CAMK4: variants seen among roughly 807,000 people sequenced by gnomAD.
CAMK4 encodes the protein calcium/calmodulin dependent protein kinase IV, also known as calcium/calmodulin-dependent protein kinase type IV.
CAMK4 carries 22 observed loss-of-function variants against 44.9 expected under a neutral mutation model. The observed-to-expected ratio is 0.49, with a 90% CI of 0.35 to 0.70. The LOEUF is 0.70. Among genes scored for constraint, CAMK4 ranks in the 30% least tolerant of loss-of-function variants. The probability of loss-of-function intolerance (pLI) is 0.01; values close to 1 mark genes in which losing one functional copy is unlikely to be tolerated. For missense variants in CAMK4, 498 were observed against 586.8 expected (o/e 0.85, Z 1.56); for synonymous variants, 218 against 215.4 (o/e 1.01, Z -0.11).
Position 111,449,206 on chromosome 5 carries a change from A to T in CAMK4, c.625+3A>T. On this transcript the variant is annotated splice_donor_region_variant and intron_variant, in intron 7 of 10. Coordinates refer to ENST00000282356, the MANE Select transcript of CAMK4 (RefSeq NM_001744.6). ...ATGTGGAACCCCAGGGTACTGCGGTATGCTCTTTAATAATTATATTTTACT... is the reference window on the plus strand; with the variant it reads ...ATGTGGAACCCCAGGGTACTGCGGTTTGCTCTTTAATAATTATATTTTACT... The T allele has an allele frequency of 7.5e-7, 1 of 1,332,490 alleles. No individual in the cohort carries two copies. Among genetic ancestry groups the T allele is most frequent in the Non-Finnish European group, 1.0e-6 (1 of 953,188 alleles). The allele number at this position is 1,332,490 out of a possible 1,614,324, so 82.5% of individuals were successfully genotyped here. A position where few individuals can be genotyped will look rare whatever the true frequency, so the allele number is the denominator to read the frequency against.
At chr5:111,255,602 T>C (rs1326738560) in intron 1 of CAMK4, among the ~76,000 whole-genome samples, 1 of 152,204 alleles carries the variant, frequency 6.6e-6, no homozygotes, top group Non-Finnish European at 1.5e-5. Context: ...TTTAGAGTCA[T>C]GATTTTGTCA....
intron 2 of CAMK4, among the ~76,000 whole-genome samples, chr5:111,362,861 C>G (rs947318912): frequency 2.0e-5 from 3 of 152,008 alleles, no homozygotes; most frequent in African/African-American, 7.2e-5. Flanking sequence ...TTCTGCTTAC[C>G]AAGGATATCA....
At chr5:111,332,048 T>G (rs532477373) in intron 1 of CAMK4, among the ~76,000 whole-genome samples, 2 of 151,786 alleles carry the variant, frequency 1.3e-5, no homozygotes, top group East Asian at 3.9e-4. Flanking sequence ...GACTAAATAT[T>G]GCTCACACCC....
At chr5:111,399,776 C>G (rs1347214710) in intron 5 of CAMK4, among the ~76,000 whole-genome samples, 5 of 152,166 alleles carry the variant, frequency 3.3e-5, no homozygotes, top group African/African-American at 1.2e-4. Flanking sequence ...TCCTGTCATT[C>G]AAAACTCACC....
chr5:111,267,462 A>T (rs1750299879), intron 1 of CAMK4, among the ~76,000 whole-genome samples: 1 of 152,128 alleles, frequency 6.6e-6, no homozygotes, highest in South Asian at 2.1e-4. Context: ...CACGCCTGTA[A>T]TCCCAGCACT....
Position 111,327,006 on chromosome 5 carries a change from T to A in CAMK4, c.162-17018T>A, listed in dbSNP as rs536336054. On this transcript the variant is annotated intron_variant, in intron 1 of 10. Transcript: ENST00000282356. Reference sequence around the variant, plus strand: ...TGCTTTCTAAGAAACTGTTTTTTTTTTAAATTTTATTATTATTATACTTTA... The same window carrying A: ...TGCTTTCTAAGAAACTGTTTTTTTTATAAATTTTATTATTATTATACTTTA... Among the ~76,000 whole-genome samples the A allele has an allele frequency of 2.9e-3, 442 of 152,056 alleles. 2 individuals carry two copies. In the South Asian group the frequency reaches 0.03, roughly 10 times the overall value.
At chr5:111,461,321 C>T (rs746200530) in intron 7 of CAMK4, among the ~76,000 whole-genome samples, 13 of 152,196 alleles carry the variant, frequency 8.5e-5, no homozygotes, top group Non-Finnish European at 1.9e-4. Flanking sequence ...TAGCCAGAGG[C>T]AACCCCCTCT....
chr5:111,283,143 A>G (rs1751091128), intron 1 of CAMK4: 1 of 152,256 alleles, frequency 6.6e-6, no homozygotes, highest in African/African-American at 2.4e-5. Context: ...AACGATTGTA[A>G]ACCAGGGACT....
At position 111,367,021 on chromosome 5, in the gene CAMK4, A is replaced by T. The variant is rs181556500; in HGVS notation, c.241-7829A>T. 2.3e-3 allele frequency among the ~76,000 whole-genome samples: 349 copies of T among 151,896 alleles called. 3 individuals are homozygous for T. Among genetic ancestry groups the T allele is most frequent in the African/African-American group, 7.7e-3 (317 of 41,422 alleles). On this transcript the variant is annotated intron_variant, in intron 2 of 10. Coordinates refer to ENST00000282356, the MANE Select transcript of CAMK4 (RefSeq NM_001744.6). ...GTTAGTAACAAGAGCAATGACAAAT[A>T]AATGGAGACAAGGTTCTTTCTGATG...
At chr5:111,416,367 C>T (rs1409642237) in intron 5 of CAMK4, 1 of 152,054 alleles carries the variant, frequency 6.6e-6, no homozygotes, top group African/African-American at 2.4e-5. Flanking sequence ...TTAGAATCTT[C>T]CACATCTCTA....
At chr5:111,268,100 T>C (rs757801766) in intron 1 of CAMK4, among the ~76,000 whole-genome samples, 200 of 152,326 alleles carry the variant, frequency 1.3e-3, no homozygotes, top group Middle Eastern at 3.4e-3. Context: ...TGGTGGAAGC[T>C]TGAGGTAGGC....
chr5:111,234,478 G>T (rs17461314), intron 1 of CAMK4, among the ~76,000 whole-genome samples: 32,924 of 152,108 alleles, frequency 0.22, 3,957 homozygotes, highest in Non-Finnish European at 0.28. Flanking sequence ...ATGGAGTTGA[G>T]AGGGAAAAAG....
At chr5:111,345,514 C>A (rs1161539569) in intron 2 of CAMK4, among the ~76,000 whole-genome samples, 1 of 151,868 alleles carries the variant, frequency 6.6e-6, no homozygotes, top group Non-Finnish European at 1.5e-5. Context: ...TAGCAGTAGT[C>A]ACACACAAGA....
At chr5:111,387,473 T>C (rs1337187049) in intron 4 of CAMK4, among the ~76,000 whole-genome samples, 4 of 152,254 alleles carry the variant, frequency 2.6e-5, no homozygotes, top group African/African-American at 4.8e-5. Context: ...TAAAACTATG[T>C]AACTCTGAGT....
chr5:111,463,619 G>A (rs945139182), intron 7 of CAMK4, among the ~76,000 whole-genome samples: 12 of 152,190 alleles, frequency 7.9e-5, no homozygotes, highest in African/African-American at 2.9e-4. Flanking sequence ...ACTGGAGCAG[G>A]TGCTGCTATA....
intron 8 of CAMK4, among the ~76,000 whole-genome samples, chr5:111,474,935 G>T (rs1755184991): frequency 6.6e-6 from 1 of 152,192 alleles, no homozygotes; most frequent in Non-Finnish European, 1.5e-5. Context: ...GGCCGAGACG[G>T]GTGGATCCAT....
intron 1 of CAMK4, among the ~76,000 whole-genome samples, chr5:111,343,406 C>T (rs1749725371): frequency 6.6e-6 from 1 of 151,746 alleles, no homozygotes; most frequent in Non-Finnish European, 1.5e-5. Flanking sequence ...TCTTTTGCTT[C>T]TCATGTGGTG....
intron 1 of CAMK4, among the ~76,000 whole-genome samples, chr5:111,255,666 T>C (rs1749708019): frequency 6.6e-6 from 1 of 152,196 alleles, no homozygotes; most frequent in Non-Finnish European, 1.5e-5. Context: ...ATTGTGTGTT[T>C]GCATACCCGA....
At chr5:111,321,107 C>T (rs1748644837) in intron 1 of CAMK4, among the ~76,000 whole-genome samples, 1 of 152,118 alleles carries the variant, frequency 6.6e-6, no homozygotes, top group Non-Finnish European at 1.5e-5. Flanking sequence ...CAACGTTTCT[C>T]TGCTTTGGTT....
Sources: gnomAD v4.1 joint callset for allele counts (sites outside exome capture counted in the v4.1 genomes callset) on GRCh38, gnomAD v4.1.1 for gene constraint, MANE v1.5 for transcripts, NCBI Gene and HGNC (gene_info 2026-07-23, HGNC 2026-07-21) for gene names.